The following CFAP54 variants were observed in gnomAD, a reference collection of about 807,000 sequenced individuals.
CFAP54 encodes cilia- and flagella-associated protein 54.
Under a neutral mutation model 370.4 loss-of-function variants are expected in CFAP54, and 290 were observed. The observed-to-expected ratio is 0.78, with a 90% confidence interval of 0.71 to 0.86. CFAP54 has a LOEUF of 0.86. Among genes scored for constraint, CFAP54 ranks in the 40% least tolerant of loss-of-function variants. The probability of loss-of-function intolerance (pLI) is 0.00; values close to 1 mark genes in which losing one functional copy is unlikely to be tolerated. For missense variants in CFAP54, 3,399 were observed against 3,528.7 expected (o/e 0.96, Z 0.93); for synonymous variants, 1,206 against 1,236.5 (o/e 0.98, Z 0.52).
intron 66 of CFAP54, among the ~76,000 whole-genome samples, chr12:96,838,421 C>T (rs1043379152): frequency 2.0e-5 from 3 of 151,996 alleles, no homozygotes; most frequent in Non-Finnish European, 4.4e-5. Context: ...AAAGAACTGC[C>T]CGAGACTGGG....
At chr12:96,833,548 T>C (rs1305013967) in intron 66 of CFAP54, among the ~76,000 whole-genome samples, 1 of 145,210 alleles carries the variant, frequency 6.9e-6, no homozygotes, top group African/African-American at 2.7e-5. Flanking sequence ...GTGTGTGATT[T>C]GAATGAACTA....
chr12:96,783,743 G>A (rs758525354), intron 60 of CFAP54, among the ~76,000 whole-genome samples: 4 of 152,158 alleles, frequency 2.6e-5, no homozygotes, highest in Admixed American at 1.3e-4. Flanking sequence ...AAAATTAGCC[G>A]GGCATGGTGG....
intron 36 of CFAP54, among the ~76,000 whole-genome samples, chr12:96,654,897 GAACT>G (rs1251779813): frequency 2.1e-5 from 3 of 146,020 alleles, no homozygotes. Context: ...GGAAAAGTAT[GAACT>G]AATATCCCTC....
At chr12:96,867,098 G>A (rs1331472764) in intron 67 of CFAP54, among the ~76,000 whole-genome samples, 1 of 152,084 alleles carries the variant, frequency 6.6e-6, no homozygotes, top group Admixed American at 6.6e-5. Context: ...ATGATCCATA[G>A]GAGGGAAAAA....
chr12:96,716,717 C>G (rs751473196), intron 48 of CFAP54, among the ~76,000 whole-genome samples: 4 of 152,188 alleles, frequency 2.6e-5, no homozygotes. Flanking sequence ...CTGACCTTGC[C>G]TAGAAAGCCA....
intron 14 of CFAP54, 61 bp from the exon 15 acceptor site, chr12:96,547,841 C>T: frequency 5.0e-6 from 4 of 799,226 alleles, no homozygotes; most frequent in Admixed American, 3.3e-5. Context: ...CCTTTTTTTT[C>T]ATCTCCTCTT....
chr12:96,513,099 T>G (rs1955191018), intron 5 of CFAP54, 55 bp downstream of exon 5: 1 of 1,091,536 alleles, frequency 9.2e-7, no homozygotes, highest in East Asian at 2.8e-5. Context: ...TTATTTTTCT[T>G]AAGGCTTTCA....
chr12:96,777,356 T>C (rs1678925516), intron 60 of CFAP54, among the ~76,000 whole-genome samples: 1 of 152,034 alleles, frequency 6.6e-6, no homozygotes, highest in African/African-American at 2.4e-5. Flanking sequence ...ATTCTTTTTT[T>C]TTTTTTTGAG....
intron 60 of CFAP54, among the ~76,000 whole-genome samples, chr12:96,777,539 G>T (rs1290664748): frequency 6.6e-6 from 1 of 151,952 alleles, no homozygotes. Flanking sequence ...AGTAGAGACG[G>T]GGTTTCTCCA....
In CFAP54 at chr12:96,539,064, G is replaced by GTTTTTT. The variant is rs1314197505; in HGVS notation, c.1926+554_1926+559dup. On this transcript the variant is annotated intron_variant, in intron 13 of 67. Transcript: ENST00000524981. ...GAGCCACCACGCCCGGCCTTTTCAG[G>GTTTTTT]TTTTTTTTTTTTTGTTTTTGTTTTT... Among the ~76,000 whole-genome samples the GTTTTTT allele has an allele frequency of 4.4e-3, 487 of 111,746 alleles. 53 individuals carry two copies. Among genetic ancestry groups the GTTTTTT allele is most frequent in the South Asian group, 8.0e-3 (25 of 3,120 alleles). 73.3% of individuals were successfully genotyped at this position (111,746 alleles called of 152,430 possible).
At chr12:96,621,871 G>GTTTTTTTTTTTTTT (rs1290967830) in intron 27 of CFAP54, 150 bp downstream of exon 27, 5 of 51,416 alleles carry the variant, frequency 9.7e-5, no homozygotes, top group East Asian at 1.5e-3. Flanking sequence ...GAGCTTTTGG[G>GTTTTTTTTTTTTTT]TTTGTTTTTT....
rs777538173 is a variant in CFAP54 at position 96,758,260 on chromosome 12, AATAAAGACATACCT to A, written c.8040+673_8040+686del. ...TGTATTAGTTCATTTTCACGCTGCT[AATAAAGACATACCT>A]GAGACTGAGTAATTATAAAGGAAAG... On this transcript the variant is annotated intron_variant, in intron 58 of 67. Transcript: ENST00000524981. Among the ~76,000 whole-genome samples, 11 of 152,258 alleles carry A rather than the reference AATAAAGACATACCT, an allele frequency of 7.2e-5. No individual in the cohort carries two copies. In the East Asian group the frequency reaches 1.4e-3, roughly 19 times the overall value.
chr12:96,620,919 T>G (rs1370260231), intron 26 of CFAP54, among the ~76,000 whole-genome samples: 1 of 152,230 alleles, frequency 6.6e-6, no homozygotes, highest in African/African-American at 2.4e-5. Context: ...GCTCAATATT[T>G]TGTAAGATTA....
chr12:96,825,964 T>C (rs1464595162), intron 65 of CFAP54, among the ~76,000 whole-genome samples: 1 of 142,062 alleles, frequency 7.0e-6, no homozygotes, highest in Admixed American at 7.3e-5. Context: ...AATTAATATA[T>C]AACATAATAT....
At chr12:96,755,652 T>C (rs1958245706) in intron 56 of CFAP54, among the ~76,000 whole-genome samples, 1 of 116,326 alleles carries the variant, frequency 8.6e-6, no homozygotes, top group African/African-American at 3.8e-5. Flanking sequence ...TATCACATTT[T>C]CTTTTCTTTT....
intron 67 of CFAP54, among the ~76,000 whole-genome samples, chr12:96,861,163 A>C (rs933689175): frequency 3.9e-5 from 6 of 152,350 alleles, no homozygotes; most frequent in Middle Eastern, 3.4e-3. Context: ...TATTCATAGA[A>C]AACAAGTTTA....
At chr12:96,699,672 A>G (rs1957471181) in intron 45 of CFAP54, among the ~76,000 whole-genome samples, 1 of 152,262 alleles carries the variant, frequency 6.6e-6, no homozygotes, top group South Asian at 2.1e-4. Context: ...TTATACAGCT[A>G]TCATAAAAAT....
chr12:96,519,252 C>T (rs1208417544), intron 6 of CFAP54, among the ~76,000 whole-genome samples, 181 bp downstream of exon 6: 1 of 152,070 alleles, frequency 6.6e-6, no homozygotes, highest in Non-Finnish European at 1.5e-5. Flanking sequence ...GCATGCGCCA[C>T]CATGCCCGGC....
intron 67 of CFAP54, among the ~76,000 whole-genome samples, chr12:96,861,428 C>T (rs547226283): frequency 2.6e-5 from 4 of 152,274 alleles, no homozygotes; most frequent in African/African-American, 9.6e-5. Context: ...CAAAATGTCA[C>T]TAACGCTAGT....
Sources: allele counts gnomAD v4.1 joint callset (sites outside exome capture counted in the v4.1 genomes callset), GRCh38; gene constraint gnomAD v4.1.1; transcripts MANE v1.5; gene names NCBI Gene and HGNC (gene_info 2026-07-23, HGNC 2026-07-21).